Variants in UVSSA observed in about 807,000 individuals in gnomAD.
The protein encoded by UVSSA is UV stimulated scaffold protein A.
In UVSSA, 72 loss-of-function variants were observed where a neutral mutation model predicts 73.9. That is an observed-to-expected ratio of 0.97 (90% CI 0.81 to 1.19). The LOEUF is 1.19. Ranked by LOEUF, UVSSA falls within the 50% of genes most tolerant of loss-of-function variation. The pLI is 0.00. For missense variants in UVSSA, 1,150 were observed against 965.0 expected (o/e 1.19, Z -2.54); for synonymous variants, 454 against 391.3 (o/e 1.16, Z -1.89).
chr4:1,395,305 C>T lies in UVSSA; in HGVS notation c.*9344C>T, dbSNP rs557527307. The T allele has an allele frequency of 2.6e-6, 4 of 1,545,780 alleles. No individual in the cohort carries two copies. The African/African-American group carries it at 4.8e-5, about 19-fold the overall frequency. Reference sequence around the variant, plus strand: ...GGAGTGCCCGCCTGCTCACACGTGCCCATGTGGAGTGCCCGCCTGCTCACG... The same window carrying T: ...GGAGTGCCCGCCTGCTCACACGTGCTCATGTGGAGTGCCCGCCTGCTCACG... On this transcript the variant is annotated 3_prime_UTR_variant, in exon 14 of 14. Transcript: ENST00000511216.
intron 1 of UVSSA, 133 bp downstream of exon 1, chr4:1,347,893 C>G (rs547113316): frequency 3.8e-5 from 22 of 581,486 alleles, no homozygotes; most frequent in East Asian, 3.2e-4. Flanking sequence ...TTAAGGTTCA[C>G]TTTTAAAACT....
chr4:1,357,618 G>A (rs1272965226), intron 7 of UVSSA, among the ~76,000 whole-genome samples: 3 of 152,234 alleles, frequency 2.0e-5, no homozygotes, highest in African/African-American at 7.2e-5. Flanking sequence ...TCCCAGCCAT[G>A]GCTGACTTGC....
In UVSSA at chr4:1,355,099, C is replaced by T. The variant is rs371368454; in HGVS notation, c.1048-18C>T. On this transcript the variant is annotated intron_variant, in intron 6 of 13. Transcript: ENST00000389851. ...CTGCCCGGCCGGCCCCTGAGCTGTT[C>T]GCACCCCCGTTTCGCAGCGCTTCAC... 93 of 1,612,600 alleles carry T rather than the reference C, an allele frequency of 5.8e-5. No homozygotes were observed. Among genetic ancestry groups the T allele is most frequent in the Middle Eastern group, 3.3e-4 (2 of 6,080 alleles).
upstream of UVSSA, among the ~76,000 whole-genome samples, chr4:1,345,840 C>T (rs547319919): frequency 3.9e-5 from 6 of 152,014 alleles, no homozygotes; most frequent in East Asian, 1.2e-3. Flanking sequence ...ATGGGAGAAA[C>T]GGCACCCTTT....
chr4:1,356,470 C>T (rs1032397751), intron 7 of UVSSA: 1 of 152,254 alleles, frequency 6.6e-6, no homozygotes, highest in Non-Finnish European at 1.5e-5. Context: ...CCACTGGCCT[C>T]GCCGCTGGTG....
At position 1,353,298 on chromosome 4, in the gene UVSSA, C is replaced by A. The variant is rs1481346054; in HGVS notation, c.819C>A (p.Ser273=). 6.2e-7 allele frequency: 1 copy of A among 1,611,346 alleles called. No homozygotes were observed. The highest frequency in any genetic ancestry group is 8.5e-7 in the Non-Finnish European group (1 of 1,179,854). ...GAGCGGGCGGCGGGGCACAGCCATC[C>A]CAGACAGCCACAGGTGACCCCTCAG... ...HPRAGGGAQP[S]QTATGDPSDE... is the part of the protein sequence containing the mutation. The change falls in exon 5 of 14, where the codon TCC becomes TCA. Residue 273 remains serine, a synonymous_variant. Coordinates refer to ENST00000389851, the MANE Select transcript of UVSSA (RefSeq NM_020894.4).
At position 1,386,258 on chromosome 4, in the gene UVSSA, G is replaced by A. The variant is rs1461560991; in HGVS notation, c.*297G>A. ...AGTCCTCGTGAGACCAGTGCTTGTC[G>A]TGGTGTGGGGTTCAGCACGGACGGA... On this transcript the variant is annotated 3_prime_UTR_variant, in exon 14 of 14. Transcript: ENST00000389851. The A allele has an allele frequency of 1.4e-5, 5 of 366,068 alleles. No individual in the cohort carries two copies. Among genetic ancestry groups the A allele is most frequent in the South Asian group, 5.8e-5 (2 of 34,702 alleles). 22.7% of individuals were successfully genotyped at this position (366,068 alleles called of 1,614,324 possible). A position where few individuals can be genotyped will look rare whatever the true frequency, so the allele number is the denominator to read the frequency against.
chr4:1,380,802 A>G, intron 11 of UVSSA, 78 bp from the exon 12 acceptor site: 8 of 1,592,182 alleles, frequency 5.0e-6, no homozygotes, highest in Non-Finnish European at 6.9e-6. Flanking sequence ...GTTTGTGCCC[A>G]AGTCGTGGTG....
Position 1,366,326 on chromosome 4 carries a change from G to T in UVSSA, c.1183G>T (p.Ala395Ser). Residue 395 changes from alanine (A) to serine (S), a missense_variant, in exon 8 of 14, where the codon GCC becomes TCC. Coordinates refer to ENST00000389851, the MANE Select transcript of UVSSA (RefSeq NM_020894.4). The part of the protein sequence containing the change: ...PEGGERRRTE[A>S]LGDAEEDEDD... ...TTGGGGTGTTTTTCCACAGACAGAA[G>T]CCCTGGGGGATGCGGAGGAAGATGA... 2 of 1,611,982 alleles carry T rather than the reference G, an allele frequency of 1.2e-6. No homozygotes were observed. Among genetic ancestry groups the T allele is most frequent in the South Asian group, 1.1e-5 (1 of 90,870 alleles).
At chr4:1,365,878 G>A (rs552290114) in intron 7 of UVSSA, among the ~76,000 whole-genome samples, 6 of 151,404 alleles carry the variant, frequency 4.0e-5, no homozygotes, top group South Asian at 4.2e-4. Context: ...CAGGGGCACC[G>A]CAGACGCACC....
In UVSSA at chr4:1,387,851, GAA is replaced by G. The variant is rs963758215; in HGVS notation, c.*1891_*1892del. On this transcript the variant is annotated 3_prime_UTR_variant, in exon 14 of 14. Coordinates refer to ENST00000389851, the MANE Select transcript of UVSSA (RefSeq NM_020894.4). Reference sequence around the variant, plus strand: ...CTTGATCAGTGCTGCTTTGTTGTGAGAAGTTTTACTTTGTTCTGCTTCAAGGC... The same window carrying G: ...CTTGATCAGTGCTGCTTTGTTGTGAGGTTTTACTTTGTTCTGCTTCAAGGC... 1.3e-5 allele frequency: 2 copies of G among 151,710 alleles called. No individual in the cohort carries two copies. The highest frequency in any genetic ancestry group is 4.8e-5 in the African/African-American group (2 of 41,254). 9.4% of individuals were successfully genotyped at this position (151,710 alleles called of 1,614,324 possible).
chr4:1,366,240 T>C, intron 7 of UVSSA, 80 bp from the exon 8 acceptor site: 3 of 1,138,956 alleles, frequency 2.6e-6, no homozygotes, highest in Non-Finnish European at 3.8e-6. Flanking sequence ...GAAATAGGAA[T>C]TTCCAGGGCT....
At chr4:1,376,807 G>T (rs12511541) in intron 10 of UVSSA, among the ~76,000 whole-genome samples, 13,839 of 152,212 alleles carry the variant, frequency 0.091, 1,170 homozygotes, top group East Asian at 0.41. Flanking sequence ...CCCTGCCGCC[G>T]CCTCAGCTCC....
rs781554614 is a variant in UVSSA, at chr4:1,395,150, G to T, written c.*9189G>T. 3.1e-6 allele frequency: 4 copies of T among 1,304,884 alleles called. No individual in the cohort carries two copies. The South Asian group carries it at 4.9e-5, about 16-fold the overall frequency. The allele number at this position is 1,304,884 out of a possible 1,614,324, so 80.8% of individuals were successfully genotyped here. ...GTGGAGTGCCTGCCTGCTCACACGTGCCCATGTGGAGTGTTCGCCTGCTCA... is the reference window on the plus strand; with the variant it reads ...GTGGAGTGCCTGCCTGCTCACACGTTCCCATGTGGAGTGTTCGCCTGCTCA... On this transcript the variant is annotated 3_prime_UTR_variant, in exon 14 of 14. Transcript: ENST00000511216.
upstream of UVSSA, among the ~76,000 whole-genome samples, chr4:1,342,090 CAT>C (rs1713453117): frequency 6.6e-6 from 1 of 152,192 alleles, no homozygotes; most frequent in African/African-American, 2.4e-5. Flanking sequence ...TTCTTGCAGA[CAT>C]TATTTTCATT....
At chr4:1,377,921 G>A (rs1049271892) in intron 10 of UVSSA, among the ~76,000 whole-genome samples, 1 of 152,224 alleles carries the variant, frequency 6.6e-6, no homozygotes, top group East Asian at 1.9e-4. Context: ...TGTCAGCTGC[G>A]TGGATGGGGG....
chr4:1,391,014 A>G (rs1228098519), downstream of UVSSA: 1 of 152,250 alleles, frequency 6.6e-6, no homozygotes, highest in Non-Finnish European at 1.5e-5. Context: ...GTAGTGTTGC[A>G]TAGAAGCCTG....
rs1351617363 is a variant in UVSSA at position 1,349,871 on chromosome 4, C to T, written c.429+17C>T. On this transcript the variant is annotated intron_variant, in intron 3 of 13. Coordinates refer to ENST00000389851, the MANE Select transcript of UVSSA (RefSeq NM_020894.4). ...AACAAAAAGGTAGGTGGGCCTGGCC[C>T]ATTTTTTCAGAGACTGGTTACCTGA... 4 of 1,514,068 alleles carry T rather than the reference C, an allele frequency of 2.6e-6. No homozygotes were observed. Among genetic ancestry groups the T allele is most frequent in the Non-Finnish European group, 3.5e-6 (4 of 1,132,710 alleles). 93.8% of individuals were successfully genotyped at this position (1,514,068 alleles called of 1,614,324 possible). A position where few individuals can be genotyped will look rare whatever the true frequency, so the allele number is the denominator to read the frequency against.
exon 14 of UVSSA, chr4:1,394,844 A>G: frequency 7.4e-7 from 1 of 1,357,500 alleles, no homozygotes; most frequent in Non-Finnish European, 1.0e-6. Flanking sequence ...TCACGTGCCC[A>G]TGTGGAGTGC....
Sources: allele counts gnomAD v4.1 joint callset (sites outside exome capture counted in the v4.1 genomes callset), GRCh38; gene constraint gnomAD v4.1.1; transcripts MANE v1.5; gene names NCBI Gene and HGNC (gene_info 2026-07-23, HGNC 2026-07-21).